Variants in MALRD1 observed in about 807,000 individuals in gnomAD.
The protein encoded by MALRD1 is MAM and LDL receptor class A domain containing 1, also known as MAM and LDL-receptor class A domain-containing protein 1.
A neutral mutation model predicts 242.1 loss-of-function variants in MALRD1; 247 were observed. That is an observed-to-expected ratio of 1.02 (90% CI 0.92 to 1.13). The LOEUF is 1.13. Ranked by LOEUF, MALRD1 falls within the 50% of genes most tolerant of loss-of-function variation. MALRD1 has a pLI of 0.00. For synonymous variants in MALRD1, 995 were observed against 866.6 expected (o/e 1.15, Z -2.60); for missense variants, 2,989 against 2,533.1 (o/e 1.18, Z -3.86).
At chr10:19,576,781 C>G (rs895603046) in intron 33 of MALRD1, among the ~76,000 whole-genome samples, 7 of 152,180 alleles carry the variant, frequency 4.6e-5, no homozygotes, top group African/African-American at 1.7e-4. Flanking sequence ...ATTTCAGGGG[C>G]AGAGCGAAAG....
intron 18 of MALRD1, among the ~76,000 whole-genome samples, chr10:19,244,558 C>T (rs1838954167): frequency 6.6e-6 from 1 of 151,216 alleles, no homozygotes; most frequent in African/African-American, 2.4e-5. Context: ...AAGTCAGACC[C>T]TGTTTCAAAA....
chr10:19,674,195 A>G (rs1286142795), intron 36 of MALRD1, among the ~76,000 whole-genome samples: 1 of 152,216 alleles, frequency 6.6e-6, no homozygotes, highest in Non-Finnish European at 1.5e-5. Context: ...AGCTTAGTAT[A>G]TTTAGGGAAT....
At chr10:19,274,096 T>G (rs1024741218) in intron 19 of MALRD1, among the ~76,000 whole-genome samples, 2 of 152,166 alleles carry the variant, frequency 1.3e-5, no homozygotes, top group East Asian at 1.9e-4. Context: ...AAAATAGAAT[T>G]ATCCTATGAT....
intron 29 of MALRD1, among the ~76,000 whole-genome samples, chr10:19,479,933 C>T (rs183706645): frequency 1.3e-5 from 2 of 152,294 alleles, no homozygotes; most frequent in African/African-American, 4.8e-5. Context: ...CTTCTACTCA[C>T]ATTCCATGGG....
chr10:19,321,258 T>C (rs946605956), intron 21 of MALRD1, among the ~76,000 whole-genome samples: 2 of 152,160 alleles, frequency 1.3e-5, no homozygotes, highest in Non-Finnish European at 2.9e-5. Context: ...AGTTTTCCAA[T>C]TTCTGAAAAA....
chr10:19,082,742 T>G (rs1289103150), intron 2 of MALRD1, among the ~76,000 whole-genome samples: 1 of 152,010 alleles, frequency 6.6e-6, no homozygotes. Context: ...CCCACACATT[T>G]GCTTCTGTTA....
chr10:19,356,792 A>G (rs1368418431), intron 26 of MALRD1, among the ~76,000 whole-genome samples: 1 of 152,008 alleles, frequency 6.6e-6, no homozygotes, highest in African/African-American at 2.4e-5. Context: ...AATTTCAGCT[A>G]TTTTCCTATT....
chr10:19,482,549 T>C (rs1209367130), intron 29 of MALRD1, among the ~76,000 whole-genome samples: 1 of 151,754 alleles, frequency 6.6e-6, no homozygotes, highest in East Asian at 1.9e-4. Flanking sequence ...AGAAGGCCCC[T>C]GTAACTGATC....
chr10:19,391,057 T>C (rs1801261439), intron 28 of MALRD1, among the ~76,000 whole-genome samples: 1 of 152,196 alleles, frequency 6.6e-6, no homozygotes, highest in African/African-American at 2.4e-5. Flanking sequence ...CAGTCGTATT[T>C]ACATTTCAAT....
At chr10:19,728,147 A>G (rs987453302) in intron 38 of MALRD1, among the ~76,000 whole-genome samples, 5 of 152,196 alleles carry the variant, frequency 3.3e-5, no homozygotes, top group South Asian at 2.1e-4. Flanking sequence ...CTACTAAAAA[A>G]CAAAAGTTGA....
At chr10:19,346,061 A>T (rs1591348) in intron 24 of MALRD1, among the ~76,000 whole-genome samples, 1 of 151,756 alleles carries the variant, frequency 6.6e-6, no homozygotes, top group African/African-American at 2.4e-5. Context: ...TTGTGATTAC[A>T]GGGGTGAAGC....
chr10:19,612,652 C>A lies in MALRD1; in HGVS notation c.6071-3205C>A, dbSNP rs369440016. On this transcript the variant is annotated intron_variant, in intron 35 of 39. Coordinates refer to ENST00000454679, the MANE Select transcript of MALRD1 (RefSeq NM_001142308.3). ...AAATAGGTTTCATTGGCTCATGGTTCTGCAGGTTAGACAGGATTCTGCTTC... is the reference window on the plus strand; with the variant it reads ...AAATAGGTTTCATTGGCTCATGGTTATGCAGGTTAGACAGGATTCTGCTTC... 1.8e-4 allele frequency among the ~76,000 whole-genome samples: 27 copies of A among 151,988 alleles called. No homozygotes were observed. The East Asian group carries it at 3.5e-3, about 20-fold the overall frequency.
intron 28 of MALRD1, among the ~76,000 whole-genome samples, chr10:19,439,356 C>A (rs939868797): frequency 2.6e-5 from 4 of 151,998 alleles, no homozygotes; most frequent in Admixed American, 2.6e-4. Flanking sequence ...CATAGTAAGG[C>A]CCGGTCTCTG....
In MALRD1 at chr10:19,205,081, C is replaced by A. The variant is rs966315987; in HGVS notation, c.2394C>A (p.Gly798=). The A allele has an allele frequency of 5.2e-6, 8 of 1,550,666 alleles. No homozygotes were observed. The highest frequency in any genetic ancestry group is 7.0e-6 in the Non-Finnish European group (8 of 1,146,984). Reference sequence around the variant, plus strand: ...TGTCACTAGATAAAGTCAGTCTGGGCATTTATGATGGGGTCTCAGCTATTG... The same window carrying A: ...TGTCACTAGATAAAGTCAGTCTGGGAATTTATGATGGGGTCTCAGCTATTG... The part of the protein sequence containing the change: ...FHLSLDKVSL[G]IYDGVSAIDD... Residue 798 remains glycine, a synonymous_variant, in exon 17 of 40, where the codon GGC becomes GGA. Coordinates refer to ENST00000454679, the MANE Select transcript of MALRD1 (RefSeq NM_001142308.3).
At chr10:19,348,111 C>A in intron 25 of MALRD1, 93 bp downstream of exon 25, 1 of 1,421,922 alleles carries the variant, frequency 7.0e-7, no homozygotes, top group South Asian at 1.5e-5. Flanking sequence ...GTGGCTGGGG[C>A]CAGAGAAAAG....
chr10:19,306,055 A>G (rs1446164780), intron 21 of MALRD1, among the ~76,000 whole-genome samples: 17 of 101,540 alleles, frequency 1.7e-4, no homozygotes, highest in African/African-American at 7.4e-4. Context: ...TATACAATTT[A>G]TTATACTATA....
intron 33 of MALRD1, among the ~76,000 whole-genome samples, chr10:19,584,372 A>G (rs1837285824): frequency 6.6e-6 from 1 of 152,036 alleles, no homozygotes; most frequent in African/African-American, 2.4e-5. Flanking sequence ...AGTGCTATAA[A>G]TTTCCCTCTA....
intron 36 of MALRD1, among the ~76,000 whole-genome samples, chr10:19,626,469 T>C (rs1027158280): frequency 5.3e-5 from 8 of 152,094 alleles, no homozygotes; most frequent in Non-Finnish European, 7.4e-5. Flanking sequence ...CACACAAATG[T>C]ACTGCAATAC....
At chr10:19,395,448 G>A (rs546791082) in intron 28 of MALRD1, among the ~76,000 whole-genome samples, 14 of 152,290 alleles carry the variant, frequency 9.2e-5, no homozygotes, top group South Asian at 8.3e-4. Flanking sequence ...CAGGTCATAC[G>A]TAGATAAGAG....
Sources: allele counts gnomAD v4.1 joint callset (sites outside exome capture counted in the v4.1 genomes callset), GRCh38; gene constraint gnomAD v4.1.1; transcripts MANE v1.5; gene names NCBI Gene and HGNC (gene_info 2026-07-23, HGNC 2026-07-21).